Variants in ARHGAP24 observed in about 807,000 individuals in gnomAD.
The protein encoded by ARHGAP24 is Rho GTPase activating protein 24.
In ARHGAP24, 50 loss-of-function variants were observed where a neutral mutation model predicts 76.4. That is an observed-to-expected ratio of 0.65 (90% CI 0.52 to 0.83). The LOEUF (loss-of-function observed/expected upper bound fraction) is 0.83. ARHGAP24 is among the 40% of genes least tolerant of loss of function. The pLI is 0.00. For synonymous variants in ARHGAP24, 345 were observed against 323.3 expected, an observed-to-expected ratio of 1.07 and a Z score of -0.72; for missense variants, 930 against 914.2, an observed-to-expected ratio of 1.02 and a Z score of -0.22.
At chr4:85,908,905 G>A (rs17011177) in intron 3 of ARHGAP24, among the ~76,000 whole-genome samples, 2 of 151,880 alleles carry the variant, frequency 1.3e-5, no homozygotes, top group Non-Finnish European at 2.9e-5. Flanking sequence ...TAGTTTTAAT[G>A]CTCAGGATGT....
intron 4 of ARHGAP24, among the ~76,000 whole-genome samples, chr4:85,928,831 A>G (rs535753046): frequency 6.6e-6 from 1 of 152,280 alleles, no homozygotes; most frequent in East Asian, 1.9e-4. Flanking sequence ...TTTCCTGTAT[A>G]TTTCTGCCTC....
chr4:85,605,800 T>C (rs1015633502), intron 2 of ARHGAP24, among the ~76,000 whole-genome samples: 4 of 152,200 alleles, frequency 2.6e-5, no homozygotes, highest in African/African-American at 9.7e-5. Context: ...TTTCTGTGCA[T>C]TTCTCAATTT....
intron 2 of ARHGAP24, among the ~76,000 whole-genome samples, chr4:85,585,781 T>G (rs1004214568): frequency 2.6e-5 from 4 of 152,230 alleles, no homozygotes; most frequent in African/African-American, 9.6e-5. Context: ...AGTAATGTAT[T>G]AAAAGTCCAG....
Position 85,618,694 on chromosome 4 carries a change from C to T in ARHGAP24, c.180+47973C>T, listed in dbSNP as rs142741139. Among the ~76,000 whole-genome samples, 228 of 152,176 alleles carry T rather than the reference C, an allele frequency of 1.5e-3. 2 individuals carry two copies. Among genetic ancestry groups the T allele is most frequent in the African/African-American group, 5.0e-3 (209 of 41,536 alleles). On this transcript the variant is annotated intron_variant, in intron 2 of 9. Coordinates refer to ENST00000395184, the MANE Select transcript of ARHGAP24 (RefSeq NM_001025616.3). ...TTCTAACTGGGGTGAGATGATATCT[C>T]ATTGTAGTTTTGATTTGCACTTCCC...
At chr4:85,771,856 C>T (rs545352480) in intron 3 of ARHGAP24, among the ~76,000 whole-genome samples, 12 of 151,992 alleles carry the variant, frequency 7.9e-5, no homozygotes, top group African/African-American at 1.2e-4. Flanking sequence ...ACTACGGGTG[C>T]GCACCAACAC....
At chr4:85,723,763 C>T (rs1725048200) in intron 3 of ARHGAP24, 1 of 152,180 alleles carries the variant, frequency 6.6e-6, no homozygotes, top group African/African-American at 2.4e-5. Flanking sequence ...CAAAGCACTA[C>T]ATTGAGAATC....
At chr4:85,546,515 A>G (rs918313954) in intron 1 of ARHGAP24, among the ~76,000 whole-genome samples, 1 of 152,198 alleles carries the variant, frequency 6.6e-6, no homozygotes, top group African/African-American at 2.4e-5. Flanking sequence ...CATTTCTAAG[A>G]ATTACAACAT....
intron 3 of ARHGAP24, among the ~76,000 whole-genome samples, chr4:85,883,437 T>A (rs1289675180): frequency 6.6e-6 from 1 of 152,106 alleles, no homozygotes; most frequent in Non-Finnish European, 1.5e-5. Flanking sequence ...TGCACTATGA[T>A]AAGAGACTGT....
At chr4:85,990,872 A>C (rs758837207) in intron 8 of ARHGAP24, 3 of 152,024 alleles carry the variant, frequency 2.0e-5, no homozygotes, top group African/African-American at 4.8e-5. Context: ...GTGAAGACTC[A>C]GGACACAAAA....
At chr4:85,957,079 G>A (rs1160426713) in intron 5 of ARHGAP24, among the ~76,000 whole-genome samples, 3 of 152,164 alleles carry the variant, frequency 2.0e-5, no homozygotes, top group Non-Finnish European at 4.4e-5. Context: ...TGATTGGTCA[G>A]GTGTGAGCTA....
At chr4:85,793,250 C>T (rs574309663) in intron 3 of ARHGAP24, among the ~76,000 whole-genome samples, 26 of 152,174 alleles carry the variant, frequency 1.7e-4, no homozygotes, top group African/African-American at 5.8e-4. Context: ...ATGTATATTT[C>T]GAAAAACTCC....
chr4:85,753,908 C>T (rs1169440693), intron 3 of ARHGAP24, among the ~76,000 whole-genome samples: 3 of 152,122 alleles, frequency 2.0e-5, no homozygotes, highest in Non-Finnish European at 4.4e-5. Flanking sequence ...GTGTTGGAAA[C>T]ATTACAATTA....
intron 2 of ARHGAP24, among the ~76,000 whole-genome samples, chr4:85,584,467 G>A (rs1226374150): frequency 3.3e-5 from 5 of 151,238 alleles, no homozygotes; most frequent in African/African-American, 7.3e-5. Flanking sequence ...GGGAGGGATA[G>A]CATTAGGAGA....
rs1031759184 is a variant in ARHGAP24, at chr4:85,651,614, T to C, written c.181-70271T>C. On this transcript the variant is annotated intron_variant, in intron 2 of 9. Coordinates refer to ENST00000395184, the MANE Select transcript of ARHGAP24 (RefSeq NM_001025616.3). ...GTTCCTCATAATTACTAGTGTTTTA[T>C]TATTAATACTCACTTTTAGTCTTTA... Among the ~76,000 whole-genome samples, 28 of 149,000 alleles carry C rather than the reference T, an allele frequency of 1.9e-4. 1 individual carries two copies. Among genetic ancestry groups the C allele is most frequent in the Non-Finnish European group, 3.1e-4 (21 of 67,902 alleles).
chr4:85,649,919 G>A (rs372828617), intron 2 of ARHGAP24, among the ~76,000 whole-genome samples: 35 of 152,062 alleles, frequency 2.3e-4, no homozygotes, highest in African/African-American at 7.7e-4. Context: ...CTTTTTACAG[G>A]TGAGAAAATT....
intron 1 of ARHGAP24, among the ~76,000 whole-genome samples, chr4:85,482,508 A>G (rs572134465): frequency 1.9e-4 from 29 of 152,244 alleles, no homozygotes; most frequent in South Asian, 1.5e-3. Flanking sequence ...CCCCTGCACA[A>G]CAGGTCAAGC....
chr4:85,648,384 A>T (rs1322786869), intron 2 of ARHGAP24, among the ~76,000 whole-genome samples: 2 of 152,174 alleles, frequency 1.3e-5, no homozygotes, highest in Non-Finnish European at 2.9e-5. Context: ...TGAGATACAC[A>T]GGCACATCAG....
At chr4:85,561,473 AG>A (rs1726597361) in intron 1 of ARHGAP24, among the ~76,000 whole-genome samples, 1 of 152,198 alleles carries the variant, frequency 6.6e-6, no homozygotes, top group African/African-American at 2.4e-5. Flanking sequence ...GTGGAGAGTG[AG>A]GGGACAGAAA....
chr4:85,496,309 A>G (rs189683400), intron 1 of ARHGAP24, among the ~76,000 whole-genome samples: 1 of 152,350 alleles, frequency 6.6e-6, no homozygotes, highest in African/African-American at 2.4e-5. Context: ...TGTGCCTTTC[A>G]GGCTTAGCAT....
Sources: gnomAD v4.1 joint callset for allele counts (sites outside exome capture counted in the v4.1 genomes callset) on GRCh38, gnomAD v4.1.1 for gene constraint, MANE v1.5 for transcripts, NCBI Gene and HGNC (gene_info 2026-07-23, HGNC 2026-07-21) for gene names.